HERC3: variants seen among roughly 807,000 people sequenced by gnomAD.
HERC3 encodes the protein probable E3 ubiquitin-protein ligase HERC3.
A neutral mutation model predicts 129.9 loss-of-function variants in HERC3; 58 were observed. That is an observed-to-expected ratio of 0.45 (90% CI 0.36 to 0.56). The LOEUF is 0.56. Ranked by LOEUF, HERC3 falls within the 20% of genes least tolerant of loss-of-function variation. The pLI, the probability that HERC3 is intolerant of heterozygous loss-of-function variation, is 0.00. For missense variants in HERC3, 835 were observed against 1,244.2 expected (o/e 0.67, Z 4.95); for synonymous variants, 430 against 451.0 (o/e 0.95, Z 0.59).
intron 23 of HERC3, among the ~76,000 whole-genome samples, chr4:88,702,047 G>A (rs1735367393): frequency 6.6e-6 from 1 of 152,082 alleles, no homozygotes; most frequent in African/African-American, 2.4e-5. Flanking sequence ...GCCTGCCTCA[G>A]CCTCCCAAAG....
chr4:88,679,072 T>C (rs6849745), intron 19 of HERC3, among the ~76,000 whole-genome samples: 2,523 of 152,320 alleles, frequency 0.017, 81 homozygotes, highest in African/African-American at 0.058. Context: ...GTGTAAGCTT[T>C]GTTGAATGCT....
intron 3 of HERC3, among the ~76,000 whole-genome samples, chr4:88,631,814 A>G (rs1196483719): frequency 6.6e-6 from 1 of 152,232 alleles, no homozygotes; most frequent in Non-Finnish European, 1.5e-5. Flanking sequence ...AGTCTTATTT[A>G]AAAAATCTGG....
intron 4 of HERC3, among the ~76,000 whole-genome samples, chr4:88,651,721 A>T (rs1209649234): frequency 6.6e-6 from 1 of 152,184 alleles, no homozygotes; most frequent in Non-Finnish European, 1.5e-5. Flanking sequence ...AGTAGCTGGG[A>T]TTACAGGCAT....
chr4:88,673,970 G>T (rs895886653), intron 16 of HERC3, among the ~76,000 whole-genome samples: 1 of 152,064 alleles, frequency 6.6e-6, no homozygotes, highest in Non-Finnish European at 1.5e-5. Flanking sequence ...ACCAGCTCTG[G>T]GCAGTGTCTC....
At chr4:88,541,543 G>T in the HERC3 span, among the ~76,000 whole-genome samples, 3 of 152,102 alleles carry the variant, frequency 2.0e-5, no homozygotes, top group Non-Finnish European at 4.4e-5. Flanking sequence ...CAAGACAGAA[G>T]GTTAACAAGG....
chr4:88,660,447 A>T (rs1366387376), intron 10 of HERC3, among the ~76,000 whole-genome samples: 1 of 151,786 alleles, frequency 6.6e-6, no homozygotes, highest in South Asian at 2.1e-4. Flanking sequence ...CAAGTGATCT[A>T]CCCTCCTCGG....
upstream of HERC3, among the ~76,000 whole-genome samples, chr4:88,591,619 T>C (rs1441360124): frequency 6.6e-6 from 1 of 152,136 alleles, no homozygotes; most frequent in Non-Finnish European, 1.5e-5. Flanking sequence ...TGAAGTCACC[T>C]TTCTGAGGTT....
the HERC3 span, among the ~76,000 whole-genome samples, chr4:88,583,431 C>T: frequency 1.3e-5 from 2 of 149,800 alleles, no homozygotes; most frequent in African/African-American, 4.9e-5. Flanking sequence ...CAGAGTGAGA[C>T]TCCTTCTCAA....
At chr4:88,611,209 G>A (rs565506216) in intron 3 of HERC3, among the ~76,000 whole-genome samples, 110 of 152,290 alleles carry the variant, frequency 7.2e-4, no homozygotes, top group African/African-American at 2.6e-3. Context: ...ATGTGGGTGG[G>A]TGCCTCCCTC....
intron 7 of HERC3, 24 bp from the exon 8 acceptor site, chr4:88,655,150 C>T: frequency 2.5e-6 from 4 of 1,613,026 alleles, no homozygotes; most frequent in Middle Eastern, 1.7e-4. Context: ...ACAGTGAAGT[C>T]CTATGGTGTT....
chr4:88,643,848 C>A (rs1286952405), intron 3 of HERC3, among the ~76,000 whole-genome samples: 1 of 152,090 alleles, frequency 6.6e-6, no homozygotes, highest in African/African-American at 2.4e-5. Flanking sequence ...AGTTCTTAGA[C>A]ATGACACCAA....
At chr4:88,626,703 G>A (rs1370070164) in intron 3 of HERC3, among the ~76,000 whole-genome samples, 1 of 152,088 alleles carries the variant, frequency 6.6e-6, no homozygotes. Flanking sequence ...TGTCAAATTT[G>A]TTGACATAAA....
At chr4:88,704,372 A>G (rs1735583125) in intron 24 of HERC3, 91 bp downstream of exon 24, 8 of 1,394,580 alleles carry the variant, frequency 5.7e-6, no homozygotes, top group African/African-American at 1.4e-5. Context: ...CGTTCCAAGC[A>G]TACTGTGGTT....
At chr4:88,641,155 CAAG>C (rs1728047656) in intron 3 of HERC3, among the ~76,000 whole-genome samples, 1 of 152,094 alleles carries the variant, frequency 6.6e-6, no homozygotes, top group South Asian at 2.1e-4. Flanking sequence ...AGAAAAATAA[CAAG>C]AAAGTCTTCA....
the HERC3 span, among the ~76,000 whole-genome samples, chr4:88,528,376 T>A: frequency 6.6e-6 from 1 of 152,188 alleles, no homozygotes; most frequent in Non-Finnish European, 1.5e-5. Context: ...TTTCACCTAC[T>A]GATGGCAGCA....
the HERC3 span, among the ~76,000 whole-genome samples, chr4:88,565,044 T>C: frequency 6.6e-6 from 1 of 152,124 alleles, no homozygotes; most frequent in African/African-American, 2.4e-5. Flanking sequence ...GTTTCCAATG[T>C]TCCTCTTGTT....
At chr4:88,604,879 C>A (rs1191844252) in intron 2 of HERC3, among the ~76,000 whole-genome samples, 1 of 152,180 alleles carries the variant, frequency 6.6e-6, no homozygotes, top group African/African-American at 2.4e-5. Flanking sequence ...AATAGCCCCA[C>A]ATTATCACCA....
chr4:88,540,807 A>C, the HERC3 span, among the ~76,000 whole-genome samples: 1 of 152,208 alleles, frequency 6.6e-6, no homozygotes, highest in South Asian at 2.1e-4. Flanking sequence ...TCTTAAAAAA[A>C]TTTTCAATCC....
At chr4:88,583,494 A>G in the HERC3 span, among the ~76,000 whole-genome samples, 1 of 152,102 alleles carries the variant, frequency 6.6e-6, no homozygotes, top group African/African-American at 2.4e-5. Flanking sequence ...TTCAGCTTCT[A>G]CTATGATAAA....
Sources: gnomAD v4.1 joint callset for allele counts (sites outside exome capture counted in the v4.1 genomes callset) on GRCh38, gnomAD v4.1.1 for gene constraint, MANE v1.5 for transcripts, NCBI Gene and HGNC (gene_info 2026-07-23, HGNC 2026-07-21) for gene names.